Variants in CNTNAP2 observed in about 807,000 individuals in gnomAD.
The protein encoded by CNTNAP2 is contactin associated protein 2, also known as contactin-associated protein-like 2.
In CNTNAP2, 98 loss-of-function variants were observed where a neutral mutation model predicts 155.2. That is an observed-to-expected ratio of 0.63 (90% CI 0.54 to 0.75). The LOEUF (loss-of-function observed/expected upper bound fraction) is 0.75, where lower values mean the gene tolerates loss of function less well. CNTNAP2 is among the 30% of genes least tolerant of loss of function. The pLI is 0.00. For missense variants in CNTNAP2, 1,727 were observed against 1,688.1 expected (o/e 1.02, Z -0.40); for synonymous variants, 651 against 631.2 (o/e 1.03, Z -0.47).
chr7:148,075,436 C>CA (rs200297733), intron 15 of CNTNAP2, among the ~76,000 whole-genome samples: 9,588 of 140,558 alleles, frequency 0.068, 544 homozygotes, highest in East Asian at 0.29. Flanking sequence ...AACTTAATCT[C>CA]AAAAAAAAAA....
At chr7:146,688,451 G>C (rs1375281988) in intron 1 of CNTNAP2, among the ~76,000 whole-genome samples, 1 of 149,052 alleles carries the variant, frequency 6.7e-6, no homozygotes, top group Admixed American at 6.6e-5. Flanking sequence ...AAGGGAGATA[G>C]GGGTGGGGCA....
intron 8 of CNTNAP2, among the ~76,000 whole-genome samples, chr7:147,280,511 T>A (rs899414483): frequency 1.3e-5 from 2 of 151,914 alleles, no homozygotes; most frequent in African/African-American, 4.8e-5. Context: ...TAGGGTTTTT[T>A]ATTTTATTTT....
chr7:146,918,430 C>A (rs2129219226), intron 3 of CNTNAP2, among the ~76,000 whole-genome samples: 1 of 152,158 alleles, frequency 6.6e-6, no homozygotes, highest in South Asian at 2.1e-4. Context: ...ATCTTTCTTT[C>A]ATTTATGAAG....
At chr7:148,253,747 C>A (rs1796411593) in intron 20 of CNTNAP2, among the ~76,000 whole-genome samples, 1 of 152,184 alleles carries the variant, frequency 6.6e-6, no homozygotes, top group South Asian at 2.1e-4. Flanking sequence ...TACTACTGGG[C>A]AGGTGTAACT....
chr7:147,601,882 G>A (rs1421868104), intron 12 of CNTNAP2, among the ~76,000 whole-genome samples: 1 of 151,292 alleles, frequency 6.6e-6, no homozygotes, highest in Non-Finnish European at 1.5e-5. Context: ...TTCTTTCTCT[G>A]TTTCTCTTCC....
At chr7:146,843,437 T>C (rs1803781272) in intron 3 of CNTNAP2, among the ~76,000 whole-genome samples, 2 of 152,120 alleles carry the variant, frequency 1.3e-5, no homozygotes, top group South Asian at 4.1e-4. Flanking sequence ...ACACTGGGGA[T>C]TACAATTTGA....
chr7:147,745,965 G>A (rs1563074693), intron 13 of CNTNAP2, among the ~76,000 whole-genome samples: 1 of 152,102 alleles, frequency 6.6e-6, no homozygotes, highest in Non-Finnish European at 1.5e-5. Flanking sequence ...TCTTTTTCAT[G>A]GGGTGTAATC....
At chr7:146,497,742 CAT>C (rs1027939873) in intron 1 of CNTNAP2, among the ~76,000 whole-genome samples, 4 of 150,578 alleles carry the variant, frequency 2.7e-5, no homozygotes, top group Admixed American at 6.6e-5. Context: ...TTTATTCTAA[CAT>C]GTATCTATGA....
At chr7:148,303,502 G>A (rs976325578) in intron 21 of CNTNAP2, among the ~76,000 whole-genome samples, 2 of 152,168 alleles carry the variant, frequency 1.3e-5, no homozygotes, top group Non-Finnish European at 2.9e-5. Flanking sequence ...GTCCCTCGGG[G>A]CCTATAAGCT....
At chr7:146,912,637 C>T (rs182975329) in intron 3 of CNTNAP2, among the ~76,000 whole-genome samples, 6 of 152,044 alleles carry the variant, frequency 3.9e-5, no homozygotes, top group Non-Finnish European at 8.8e-5. Context: ...AAGAAAGAGT[C>T]CTTATTCTAA....
intron 13 of CNTNAP2, among the ~76,000 whole-genome samples, chr7:147,677,698 G>A (rs1294312380): frequency 6.6e-6 from 1 of 151,580 alleles, no homozygotes; most frequent in Non-Finnish European, 1.5e-5. Context: ...TTTTATATAT[G>A]GTGTGAGATA....
chr7:147,116,058 C>G (rs1351574711), intron 5 of CNTNAP2, among the ~76,000 whole-genome samples: 1 of 152,020 alleles, frequency 6.6e-6, no homozygotes, highest in Non-Finnish European at 1.5e-5. Flanking sequence ...AGAAGTCTGG[C>G]CACTCATCCA....
intron 22 of CNTNAP2, among the ~76,000 whole-genome samples, chr7:148,395,128 C>T (rs886971): frequency 7.0e-6 from 1 of 143,088 alleles, no homozygotes; most frequent in Non-Finnish European, 1.5e-5. Context: ...GACCCCCCCC[C>T]CTTATTGATT....
intron 11 of CNTNAP2, among the ~76,000 whole-genome samples, chr7:147,544,787 A>AAGTCTC (rs1225281760): frequency 6.6e-6 from 1 of 152,072 alleles, no homozygotes; most frequent in Admixed American, 6.5e-5. Flanking sequence ...GGTAGTGAAT[A>AAGTCTC]AGTCTCACGA....
At chr7:147,046,361 T>C (rs1220669567) in intron 4 of CNTNAP2, among the ~76,000 whole-genome samples, 2 of 152,080 alleles carry the variant, frequency 1.3e-5, no homozygotes, top group African/African-American at 2.4e-5. Flanking sequence ...ACAGATGGAG[T>C]CATAAAAGAT....
At chr7:146,298,020 A>T (rs937942247) in intron 1 of CNTNAP2, among the ~76,000 whole-genome samples, 1 of 152,208 alleles carries the variant, frequency 6.6e-6, no homozygotes, top group African/African-American at 2.4e-5. Context: ...TGCTGTGAGC[A>T]TGAAAGAAAG....
chr7:147,680,970 T>C (rs193258596), intron 13 of CNTNAP2, among the ~76,000 whole-genome samples: 584 of 152,030 alleles, frequency 3.8e-3, no homozygotes, highest in Non-Finnish European at 6.1e-3. Context: ...ATATAACTCA[T>C]GTATAAAGAC....
chr7:147,131,097 TACAC>T (rs534850849), intron 7 of CNTNAP2, among the ~76,000 whole-genome samples: 3 of 149,530 alleles, frequency 2.0e-5, no homozygotes, highest in South Asian at 2.1e-4. Flanking sequence ...TGTGTATATA[TACAC>T]ACACATATAT....
chr7:148,409,394 G>A lies in CNTNAP2; in HGVS notation c.3719G>A (p.Ser1240Asn), dbSNP rs1436326844. 2 of 1,610,454 alleles carry A rather than the reference G, an allele frequency of 1.2e-6. No homozygotes were observed. Among genetic ancestry groups the A allele is most frequent in the Non-Finnish European group, 1.7e-6 (2 of 1,176,740 alleles). Residue 1240 changes from serine (S) to asparagine (N), a missense_variant, in exon 23 of 24, where the codon AGT (serine) becomes AAT (asparagine). Transcript: ENST00000361727. ...PWHLDHLDSA[S>N]ADFPYNPGQG... Reference sequence around the variant, plus strand: ...TTGACTCTTTCTTTCTCTACAGCCAGTGCGGATTTTCCATATAATCCAGGA... The same window carrying A: ...TTGACTCTTTCTTTCTCTACAGCCAATGCGGATTTTCCATATAATCCAGGA...
Sources: allele counts gnomAD v4.1 joint callset (sites outside exome capture counted in the v4.1 genomes callset), GRCh38; gene constraint gnomAD v4.1.1; transcripts MANE v1.5; gene names NCBI Gene and HGNC (gene_info 2026-07-23, HGNC 2026-07-21).